ATG2A: variants seen among roughly 807,000 people sequenced by gnomAD.
ATG2A encodes the protein autophagy-related protein 2 homolog A.
In ATG2A, 103 loss-of-function variants were observed where a neutral mutation model predicts 214.2. The ratio of observed to expected loss-of-function variants is 0.48; its 90% CI spans 0.41 to 0.57. The LOEUF is 0.57. ATG2A is among the 20% of genes least tolerant of loss of function. ATG2A has a pLI of 0.00. For missense variants in ATG2A, 2,312 were observed against 2,613.2 expected (o/e 0.88, Z 2.51); for synonymous variants, 1,160 against 1,142.1 (o/e 1.02, Z -0.32).
In ATG2A at chr11:64,895,265, T is replaced by G. The variant is rs776942106; in HGVS notation, c.5580+25A>C. 10 of 1,612,970 alleles carry G rather than the reference T, an allele frequency of 6.2e-6. No individual in the cohort carries two copies. The highest frequency in any genetic ancestry group is 8.5e-6 in the Non-Finnish European group (10 of 1,179,796). ...GTGTGAGGAGATGGGCATGGGGGAC[T>G]GGGGCAGGGCGGGGGCCTGGTCACC... On this transcript the variant is annotated intron_variant, in intron 40 of 40. Transcript: ENST00000377264. The surrounding 1 kb of genome is among the most constrained non-coding windows in gnomAD (Gnocchi z 5.0).
At chr11:64,906,618 ACC>A in intron 20 of ATG2A, 45 bp downstream of exon 20, 1 of 1,608,238 alleles carries the variant, frequency 6.2e-7, no homozygotes, top group Non-Finnish European at 8.5e-7. Context: ...AAAGCCCTCC[ACC>A]CCCAACCCTG....
rs1177040416 is a variant in ATG2A at position 64,913,602 on chromosome 11, T to C, written c.591-201A>G. On this transcript the variant is annotated intron_variant, in intron 4 of 40. Transcript: ENST00000377264. This position sits in a 1 kb window ranked among gnomAD's most constrained non-coding sequence, Gnocchi z 4.3. ...GCTCCTCAGACCCTCAGCATCTAAC[T>C]TGGTTCTTGGGGCCTCGGCCACTCT... is the stretch of plus-strand genomic sequence containing the variant. 4.8e-6 allele frequency: 4 copies of C among 841,180 alleles called. No individual in the cohort carries two copies. Among genetic ancestry groups the C allele is most frequent in the Non-Finnish European group, 5.4e-6 (3 of 556,742 alleles). 52.1% of individuals were successfully genotyped at this position (841,180 alleles called of 1,614,324 possible).
At chr11:64,905,706 C>A in intron 23 of ATG2A, 36 bp downstream of exon 23, 1 of 1,613,640 alleles carries the variant, frequency 6.2e-7, no homozygotes, top group Non-Finnish European at 8.5e-7. Context: ...GAGAGCCCAT[C>A]CCCGTCCCCA....
In ATG2A at chr11:64,906,284, G is replaced by T. The variant is rs375900673; in HGVS notation, c.3183+50C>A. On this transcript the variant is annotated intron_variant, in intron 21 of 40. Coordinates refer to ENST00000377264, the MANE Select transcript of ATG2A (RefSeq NM_015104.3). ...CGCACTGGGGTCCCACCGCACACCG[G>T]GGCTGCAGCCCAGGCTAGCAGGAGG... is the stretch of plus-strand genomic sequence containing the variant. 8 of 1,607,708 alleles carry T rather than the reference G, an allele frequency of 5.0e-6. No homozygotes were observed. In the African/African-American group the frequency reaches 8.0e-5, roughly 16 times the overall value.
chr11:64,913,695 C>T lies in ATG2A; in HGVS notation c.590+126G>A. ...GATGCAGCCCACCTCCCCAACCCTA[C>T]CACCACCGAGGCCCATCCAGATCCA... On this transcript the variant is annotated intron_variant, in intron 4 of 40. Transcript: ENST00000377264. The surrounding 1 kb of genome is among the most constrained non-coding windows in gnomAD (Gnocchi z 4.3). 3 of 995,804 alleles carry T rather than the reference C, an allele frequency of 3.0e-6. No individual in the cohort carries two copies. The highest frequency in any genetic ancestry group is 3.0e-6 in the Non-Finnish European group (2 of 665,908). The allele number at this position is 995,804 out of a possible 1,614,324, so 61.7% of individuals were successfully genotyped here.
chr11:64,909,014 T>G lies in ATG2A; in HGVS notation c.2341A>C (p.Arg781=), dbSNP rs763632923. ...ACCTCCTCTGTCTCATACATGGTCCTCTTAGAGGAGAAGGGCGAGGGCTCA... is the reference window on the plus strand; with the variant it reads ...ACCTCCTCTGTCTCATACATGGTCCGCTTAGAGGAGAAGGGCGAGGGCTCA... ...EPEPSPFSSK[R]TMYETEEMVI... is the part of the protein sequence containing the mutation. The change falls in exon 16 of 41, where the codon AGG becomes CGG. Residue 781 remains arginine, a synonymous_variant. Coordinates refer to ENST00000377264, the MANE Select transcript of ATG2A (RefSeq NM_015104.3). The G allele has an allele frequency of 2.7e-5, 44 of 1,600,850 alleles. No homozygotes were observed. The Admixed American group carries it at 7.1e-4, about 26-fold the overall frequency.
In ATG2A at chr11:64,898,407, G is replaced by A. The variant is rs774991545; in HGVS notation, c.4672-45C>T. ...TCTGGACACCTGCTGGGCCTCTGGG[G>A]CAGCAGCTCACCCAGCTGTTCCCTG... On this transcript the variant is annotated intron_variant, in intron 32 of 40. Coordinates refer to ENST00000377264, the MANE Select transcript of ATG2A (RefSeq NM_015104.3). This position sits in a 1 kb window ranked among gnomAD's most constrained non-coding sequence, Gnocchi z 4.5. The A allele has an allele frequency of 5.4e-6, 8 of 1,494,006 alleles. No individual in the cohort carries two copies. The African/African-American group carries it at 9.9e-5, about 18-fold the overall frequency. The allele number at this position is 1,494,006 out of a possible 1,614,324, so 92.5% of individuals were successfully genotyped here.
chr11:64,897,249 G>GAA, intron 37 of ATG2A, 163 bp downstream of exon 37: 1 of 796,806 alleles, frequency 1.3e-6, no homozygotes, highest in Non-Finnish European at 2.0e-6. Flanking sequence ...TCGAATGCCT[G>GAA]AATGTGTGAG....
intron 1 of ATG2A, among the ~76,000 whole-genome samples, chr11:64,916,099 C>A (rs67557026): frequency 2.6e-5 from 4 of 152,108 alleles, no homozygotes; most frequent in Non-Finnish European, 5.9e-5. Flanking sequence ...TCGACCAGGA[C>A]GCGCCTCTAA....
Position 64,909,803 on chromosome 11 carries a change from T to C in ATG2A, c.1985A>G (p.Gln662Arg). 1.2e-6 allele frequency: 2 copies of C among 1,611,882 alleles called. No homozygotes were observed. Among genetic ancestry groups the C allele is most frequent in the Non-Finnish European group, 1.7e-6 (2 of 1,179,624 alleles). Residue 662 changes from glutamine to arginine, a missense_variant, in exon 14 of 41, where the codon CAG (glutamine) becomes CGG (arginine). Coordinates refer to ENST00000377264, the MANE Select transcript of ATG2A (RefSeq NM_015104.3). ...CCGAAGCTGCTCAGCCCGCACGGCC[T>C]GGCCCGCCCAGGGGTCCGGCTCAGG... ...LRPEPDPWAG[Q>R]AVRAEQLRLE... is the part of the protein sequence containing the mutation.
rs1175298978 is a variant in ATG2A, at chr11:64,900,622, T to C, written c.4336A>G (p.Thr1446Ala). The change falls in exon 31 of 41, where the codon ACT (threonine) becomes GCT (alanine). Residue 1446 changes from threonine (T) to alanine (A), a missense_variant. Coordinates refer to ENST00000377264, the MANE Select transcript of ATG2A (RefSeq NM_015104.3). Reference sequence around the variant, plus strand: ...GAGCTCCTGGGACCTGAGAGGCCAGTTCTTGCCCTGGGAAGAGGGACAGGG... The same window carrying C: ...GAGCTCCTGGGACCTGAGAGGCCAGCTCTTGCCCTGGGAAGAGGGACAGGG... ...FGPHPGHRAR[T>A]GLSGPRSSPS... The C allele has an allele frequency of 6.2e-7, 1 of 1,605,248 alleles. No homozygotes were observed. Among genetic ancestry groups the C allele is most frequent in the African/African-American group, 1.3e-5 (1 of 74,706 alleles).
intron 14 of ATG2A, 91 bp downstream of exon 14, chr11:64,909,590 G>A (rs1944684895): frequency 2.6e-6 from 4 of 1,559,538 alleles, no homozygotes; most frequent in Non-Finnish European, 3.5e-6. Flanking sequence ...GGACTGCTCG[G>A]GTTGTGACTG....
Position 64,896,782 on chromosome 11 carries a change from T to A in ATG2A, c.5238A>T (p.Gly1746=). The change falls in exon 38 of 41, where the codon GGA becomes GGT. Residue 1746 remains glycine, a synonymous_variant. Coordinates refer to ENST00000377264, the MANE Select transcript of ATG2A (RefSeq NM_015104.3). The part of the protein sequence containing the change: ...IRKNQLPGLL[G]GVGPMHSVVQ... ...CAACCGAGTGCATGGGGCCCACGCC[T>A]CCCAGCAGGCCGGGCAGCTGGTTCT... The A allele has an allele frequency of 6.2e-7, 1 of 1,614,178 alleles. No homozygotes were observed. Among genetic ancestry groups the A allele is most frequent in the Non-Finnish European group, 8.5e-7 (1 of 1,180,042 alleles).
intron 36 of ATG2A, 65 bp downstream of exon 36, chr11:64,897,606 G>A: frequency 6.2e-7 from 1 of 1,609,844 alleles, no homozygotes; most frequent in African/African-American, 1.3e-5. Flanking sequence ...TGCAAGACCT[G>A]GCCCCCAGAG....
rs754177777 is a variant in ATG2A at position 64,909,809 on chromosome 11, G to C, written c.1979C>G (p.Ala660Gly). 1 of 1,611,424 alleles carries C rather than the reference G, an allele frequency of 6.2e-7. No homozygotes were observed. ...ADLRPEPDPW[A>G]GQAVRAEQLR... Reference sequence around the variant, plus strand: ...CTGCTCAGCCCGCACGGCCTGGCCCGCCCAGGGGTCCGGCTCAGGCCGCAG... The same window carrying C: ...CTGCTCAGCCCGCACGGCCTGGCCCCCCCAGGGGTCCGGCTCAGGCCGCAG... Residue 660 changes from alanine (A) to glycine (G), a missense_variant, in exon 14 of 41, where the codon GCG (alanine) becomes GGG (glycine). Transcript: ENST00000377264.
chr11:64,907,779 T>G lies in ATG2A; in HGVS notation c.2476A>C (p.Ser826Arg). 1 of 1,613,570 alleles carries G rather than the reference T, an allele frequency of 6.2e-7. No homozygotes were observed. The change falls in exon 17 of 41, where the codon AGC (serine) becomes CGC (arginine). Residue 826 changes from serine (S) to arginine (R), a missense_variant. Coordinates refer to ENST00000377264, the MANE Select transcript of ATG2A (RefSeq NM_015104.3). ...TAGATGCTCTCGTAGACCTCCTTGCTGGGCAGAAAGATGTGGACACTGGGC... is the reference window on the plus strand; with the variant it reads ...TAGATGCTCTCGTAGACCTCCTTGCGGGGCAGAAAGATGTGGACACTGGGC... Reference protein sequence around the residue: ...ILPSVHIFLPSKEVYESIYNR... With the variant: ...ILPSVHIFLPRKEVYESIYNR...
chr11:64,910,955 C>G lies in ATG2A; in HGVS notation c.1467-1G>C. On this transcript the variant is annotated splice_acceptor_variant, in intron 10 of 40. Coordinates refer to ENST00000377264, the MANE Select transcript of ATG2A (RefSeq NM_015104.3). LOFTEE classifies it high-confidence loss of function. ...CAGCTGCACGGCTGTGCCCGTTAGC[C>G]TGCGGGGAAGAGGACAGGCGTCAGA... 1 of 1,613,434 alleles carries G rather than the reference C, an allele frequency of 6.2e-7. No individual in the cohort carries two copies. The highest frequency in any genetic ancestry group is 1.3e-5 in the African/African-American group (1 of 75,074).
rs1405837431 is a variant in ATG2A at position 64,902,566 on chromosome 11, G to T, written c.3727C>A (p.Leu1243Met). 5 of 1,579,366 alleles carry T rather than the reference G, an allele frequency of 3.2e-6. No homozygotes were observed. The highest frequency in any genetic ancestry group is 4.3e-6 in the Non-Finnish European group (5 of 1,165,290). Residue 1243 changes from leucine to methionine, a missense_variant, in exon 27 of 41, where the codon CTG becomes ATG. Transcript: ENST00000377264. ...CTGGGGGGCCGGGGTGGGGGGTGCA[G>T]ATCGCCTGTGCTCATTACGTACTGG... is the stretch of plus-strand genomic sequence containing the variant. ...LLQYVMSTGD[L>M]HPPPRPPSPT...
chr11:64,906,051 G>GC, intron 22 of ATG2A, 62 bp downstream of exon 22: 1 of 1,526,492 alleles, frequency 6.6e-7, no homozygotes, highest in Non-Finnish European at 8.9e-7. Flanking sequence ...CTAGAGACCT[G>GC]CTTGCCCAAA....
Sources: gnomAD v4.1 joint callset for allele counts (sites outside exome capture counted in the v4.1 genomes callset) on GRCh38, gnomAD v4.1.1 for gene constraint, Gnocchi (gnomAD v3.1) non-coding constraint, MANE v1.5 for transcripts, NCBI Gene and HGNC (gene_info 2026-07-23, HGNC 2026-07-21) for gene names.